The following ART4 variants were observed in gnomAD, a reference collection of about 807,000 sequenced individuals.
ART4 encodes ecto-ADP-ribosyltransferase 4.
In ART4, 14 loss-of-function variants were observed where a neutral mutation model predicts 24.2. That is an observed-to-expected ratio of 0.58 (90% CI 0.38 to 0.90). ART4 has a LOEUF of 0.90. Ranked by LOEUF, ART4 falls within the 40% of genes least tolerant of loss-of-function variation. The pLI is 0.00. For synonymous variants in ART4, 145 were observed against 139.9 expected, an observed-to-expected ratio of 1.04 and a Z score of -0.26; for missense variants, 356 against 366.6, an observed-to-expected ratio of 0.97 and a Z score of 0.24.
Position 14,826,951 on chromosome 12 carries a change from G to T in ART4, c.*2420C>A, listed in dbSNP as rs1299680926. On this transcript the variant is annotated 3_prime_UTR_variant, in exon 3 of 3. Transcript: ENST00000228936. ...CTCCCAGCCTAGAGCCCTAACGGCT[G>T]GTTCAAATGCAGCCTCTTACTTAAA... 3 of 152,102 alleles carry T rather than the reference G, an allele frequency of 2.0e-5. No individual in the cohort carries two copies. The highest frequency in any genetic ancestry group is 4.4e-5 in the Non-Finnish European group (3 of 68,046). 9.4% of individuals were successfully genotyped at this position (152,102 alleles called of 1,614,324 possible).
rs771962609 is a variant in ART4 at position 14,840,606 on chromosome 12, C to A, written c.692G>T (p.Cys231Phe). Residue 231 changes from cysteine (C) to phenylalanine (F), a missense_variant, in exon 2 of 3, where the codon TGC becomes TTC. Coordinates refer to ENST00000228936, the MANE Select transcript of ART4 (RefSeq NM_021071.4). ...GAAGTACTGTACAGGTGCACCCAGG[C>A]AGGTGAATATGGTAAATAGTGTCTG... ...GNQTLFTIFT[C>F]LGAPVQYFSL... is the part of the protein sequence containing the mutation. The A allele has an allele frequency of 3.7e-6, 6 of 1,614,146 alleles. No homozygotes were observed. The highest frequency in any genetic ancestry group is 5.1e-6 in the Non-Finnish European group (6 of 1,180,008).
intron 2 of ART4, among the ~76,000 whole-genome samples, chr12:14,838,825 G>A (rs1172662695): frequency 6.6e-6 from 1 of 151,870 alleles, no homozygotes; most frequent in South Asian, 2.1e-4. Flanking sequence ...ACAAATTTGG[G>A]GATATATTGA....
chr12:14,840,025 G>GC (rs1219619929), intron 2 of ART4, among the ~76,000 whole-genome samples: 1 of 151,990 alleles, frequency 6.6e-6, no homozygotes, highest in African/African-American at 2.4e-5. Context: ...TATTTCCAGG[G>GC]CCCCCATCAC....
chr12:14,835,981 C>G (rs948685940), intron 2 of ART4, among the ~76,000 whole-genome samples: 15 of 152,192 alleles, frequency 9.9e-5, no homozygotes, highest in African/African-American at 3.6e-4. Context: ...GTCCCTTTAT[C>G]CTTAGTGGAT....
In ART4 at chr12:14,840,695, G is replaced by C; in HGVS notation, c.603C>G (p.Thr201=). The C allele has an allele frequency of 6.2e-7, 1 of 1,614,170 alleles. No homozygotes were observed. The highest frequency in any genetic ancestry group is 1.7e-5 in the Admixed American group (1 of 60,008). Residue 201 remains threonine (T), a synonymous_variant, in exon 2 of 3, where the codon ACC becomes ACG. Transcript: ENST00000228936. ...DVHFNAYTGA[T]IRFGQFLSTS... ...TGGAGAGGAATTGGCCAAATCGAAT[G>C]GTGGCCCCTGTGTAGGCATTAAAGT...
intron 2 of ART4, among the ~76,000 whole-genome samples, chr12:14,833,385 G>A (rs1950409168): frequency 1.3e-5 from 2 of 152,160 alleles, no homozygotes; most frequent in South Asian, 4.1e-4. Context: ...CCAGTCTATG[G>A]AGAATATTGT....
chr12:14,840,535 C>T lies in ART4; in HGVS notation c.763G>A (p.Val255Ile). 1.2e-6 allele frequency: 2 copies of T among 1,614,150 alleles called. No individual in the cohort carries two copies. The highest frequency in any genetic ancestry group is 2.2e-5 in the South Asian group (2 of 91,082). ...CTTGGGTGGTAGCTCATATTTATAA[C>T]TTTAAACAGCTCATAGGGAGGGATC... ...VLIPPYELFK[V>I]INMSYHPRGD... is the part of the protein sequence containing the mutation. The change falls in exon 2 of 3, where the codon GTT becomes ATT. Residue 255 changes from valine (V) to isoleucine (I), a missense_variant. Coordinates refer to ENST00000228936, the MANE Select transcript of ART4 (RefSeq NM_021071.4).
chr12:14,841,333 A>C, intron 1 of ART4, 180 bp from the exon 2 acceptor site: 1 of 544,354 alleles, frequency 1.8e-6, no homozygotes, highest in Non-Finnish European at 3.1e-6. Flanking sequence ...TGTGCTAGAG[A>C]TTGAATTTGG....
rs1410057844 is a variant in ART4 at position 14,828,243 on chromosome 12, C to T, written c.*1128G>A. On this transcript the variant is annotated 3_prime_UTR_variant, in exon 3 of 3. Coordinates refer to ENST00000228936, the MANE Select transcript of ART4 (RefSeq NM_021071.4). The stretch of plus-strand genomic sequence containing the variant: ...CTCTCATACTCTCTGTTAACCTTCA[C>T]ACATACCCTCATGTTTTCCTAATAT... The T allele has an allele frequency of 6.6e-6, 1 of 152,184 alleles. No individual in the cohort carries two copies. The highest frequency in any genetic ancestry group is 1.5e-5 in the Non-Finnish European group (1 of 68,036). 9.4% of individuals were successfully genotyped at this position (152,184 alleles called of 1,614,324 possible).
In ART4 at chr12:14,840,502, AGTC is replaced by A; in HGVS notation, c.793_795del (p.Asp265del). The A allele has an allele frequency of 6.2e-7, 1 of 1,614,118 alleles. No individual in the cohort carries two copies. The highest frequency in any genetic ancestry group is 1.1e-5 in the South Asian group (1 of 91,038). On this transcript the variant is annotated inframe_deletion, in exon 2 of 3. Transcript: ENST00000228936. ...TTCCCAGTTGACCTCAACTGCAACC[AGTC>A]TCCTCTTGGGTGGTAGCTCATATTT... is the stretch of plus-strand genomic sequence containing the variant.
At position 14,840,946 on chromosome 12, in the gene ART4, T is replaced by C. The variant is rs142165195; in HGVS notation, c.352A>G (p.Thr118Ala). Residue 118 changes from threonine (T) to alanine (A), a missense_variant, in exon 2 of 3, where the codon ACA becomes GCA. Transcript: ENST00000228936. ...GKVLPQNMTT[T>A]HAVAILFYTL... ...TAAAACAAAATAGCCACAGCGTGTGTGGTAGTCATGTTCTGGGGTAGAACT... is the reference window on the plus strand; with the variant it reads ...TAAAACAAAATAGCCACAGCGTGTGCGGTAGTCATGTTCTGGGGTAGAACT... The C allele has an allele frequency of 2.2e-5, 36 of 1,614,076 alleles. No individual in the cohort carries two copies. The highest frequency in any genetic ancestry group is 2.9e-5 in the Non-Finnish European group (34 of 1,180,034).
intron 1 of ART4, 97 bp from the exon 2 acceptor site, chr12:14,841,250 G>T: frequency 1.8e-6 from 2 of 1,118,718 alleles, no homozygotes; most frequent in Non-Finnish European, 2.5e-6. Context: ...TCTTCTCCTG[G>T]AAACCAATAT....
intron 2 of ART4, among the ~76,000 whole-genome samples, chr12:14,829,879 C>T (rs564464850): frequency 6.6e-6 from 1 of 152,146 alleles, no homozygotes; most frequent in East Asian, 1.9e-4. Context: ...TCACAACAAA[C>T]CTATGAGATT....
chr12:14,833,349 T>A (rs1442464077), intron 2 of ART4, among the ~76,000 whole-genome samples: 1 of 152,200 alleles, frequency 6.6e-6, no homozygotes, highest in Non-Finnish European at 1.5e-5. Context: ...GCTATATTTG[T>A]TGAAGAATGG....
intron 2 of ART4, among the ~76,000 whole-genome samples, chr12:14,831,227 C>A (rs1218174072): frequency 6.6e-6 from 1 of 151,426 alleles, no homozygotes; most frequent in African/African-American, 2.4e-5. Flanking sequence ...CTTAGGACAC[C>A]AACTCTATCA....
In ART4 at chr12:14,843,213, A is replaced by C. The variant is rs1863082891; in HGVS notation, c.-100T>G. The C allele has an allele frequency of 6.7e-7, 1 of 1,495,456 alleles. No homozygotes were observed. Among genetic ancestry groups the C allele is most frequent in the African/African-American group, 1.4e-5 (1 of 72,636 alleles). The allele number at this position is 1,495,456 out of a possible 1,614,324, so 92.6% of individuals were successfully genotyped here. A position where few individuals can be genotyped will look rare whatever the true frequency, so the allele number is the denominator to read the frequency against. On this transcript the variant is annotated 5_prime_UTR_variant, in exon 1 of 3. Coordinates refer to ENST00000228936, the MANE Select transcript of ART4 (RefSeq NM_021071.4). ...AGGTTTTCTTTCAGTCTCATCCGTA[A>C]CCGTTTTTTCCCCTGTCTATGCTGA... is the stretch of plus-strand genomic sequence containing the variant.
chr12:14,835,562 C>T (rs1279153652), intron 2 of ART4, among the ~76,000 whole-genome samples: 1 of 151,898 alleles, frequency 6.6e-6, no homozygotes, highest in Non-Finnish European at 1.5e-5. Flanking sequence ...AAGAAACAAA[C>T]AAACAACACT....
In ART4 at chr12:14,826,557, AC is replaced by A. The variant is rs1431231615; in HGVS notation, c.*2813del. ...ATTGCTGCTTGTGCCTAGAGAGTCA[AC>A]GCTTTAGGAGAATTGTCTTACTCAG... is the stretch of plus-strand genomic sequence containing the variant. On this transcript the variant is annotated 3_prime_UTR_variant, in exon 3 of 3. Transcript: ENST00000228936. 6.6e-6 allele frequency: 1 copy of A among 152,198 alleles called. No homozygotes were observed. Among genetic ancestry groups the A allele is most frequent in the Non-Finnish European group, 1.5e-5 (1 of 68,046 alleles). The allele number at this position is 152,198 out of a possible 1,614,324, so 9.4% of individuals were successfully genotyped here. A position where few individuals can be genotyped will look rare whatever the true frequency, so the allele number is the denominator to read the frequency against.
intron 2 of ART4, among the ~76,000 whole-genome samples, chr12:14,829,843 G>T (rs1024311383): frequency 2.6e-5 from 4 of 152,114 alleles, no homozygotes; most frequent in African/African-American, 9.7e-5. Flanking sequence ...TCTATTTCGA[G>T]CCCTTGCTAT....
Sources: allele counts gnomAD v4.1 joint callset (sites outside exome capture counted in the v4.1 genomes callset), GRCh38; gene constraint gnomAD v4.1.1; transcripts MANE v1.5; gene names NCBI Gene and HGNC (gene_info 2026-07-23, HGNC 2026-07-21).